TGM1: variants seen among roughly 807,000 people sequenced by gnomAD.
The protein encoded by TGM1 is transglutaminase 1.
In TGM1, 63 loss-of-function variants were observed where a neutral mutation model predicts 88.7. The ratio of observed to expected loss-of-function variants is 0.71; its 90% CI spans 0.58 to 0.88. The LOEUF is 0.88. TGM1 is among the 40% of genes least tolerant of loss of function. The pLI is 0.00. For missense variants in TGM1, 996 were observed against 1,118.0 expected (o/e 0.89, Z 1.56); for synonymous variants, 415 against 431.1 (o/e 0.96, Z 0.46).
At chr14:24,258,485 A>C (rs567321196) in intron 8 of TGM1, 50 bp downstream of exon 8, 1 of 1,612,548 alleles carries the variant, frequency 6.2e-7, no homozygotes, top group African/African-American at 1.3e-5. Context: ...CCACCTCCAA[A>C]GCTCAGGTCA....
chr14:24,259,387 G>A lies in TGM1; in HGVS notation c.985-138C>T. 1.2e-6 allele frequency: 1 copy of A among 867,854 alleles called. No homozygotes were observed. The highest frequency in any genetic ancestry group is 1.9e-6 in the Non-Finnish European group (1 of 538,556). 53.8% of individuals were successfully genotyped at this position (867,854 alleles called of 1,614,324 possible). ...TGCCTCAGGATCCAGACACCAGCCT[G>A]AGCTCCACCCAGCCCTTCCCTCAGC... On this transcript the variant is annotated intron_variant, in intron 6 of 14. Coordinates refer to ENST00000206765, the MANE Select transcript of TGM1 (RefSeq NM_000359.3). This position sits in a 1 kb window ranked among gnomAD's most constrained non-coding sequence, Gnocchi z 5.7.
rs1245797682 is a variant in TGM1, at chr14:24,262,282, G to A, written c.71C>T (p.Ser24Phe). 1.5e-5 allele frequency: 25 copies of A among 1,613,562 alleles called. No individual in the cohort carries two copies. Among genetic ancestry groups the A allele is most frequent in the Non-Finnish European group, 2.1e-5 (25 of 1,180,014 alleles). ...GTCTGGCTCTGGCTCTGGCTCTGGA[G>A]ATGGCGTGGTAGGGGGCTGCAAGGG... is the stretch of plus-strand genomic sequence containing the variant. ...GNPLQPPTTP[S>F]PEPEPEPDGR... Residue 24 changes from serine to phenylalanine, a missense_variant, in exon 2 of 15, where the codon TCT becomes TTT. Coordinates refer to ENST00000206765, the MANE Select transcript of TGM1 (RefSeq NM_000359.3).
chr14:24,259,687 G>A lies in TGM1; in HGVS notation c.984+17C>T, dbSNP rs1343507401. ...AGGCACACACACAGTAGGACTCAGA[G>A]ATGTGAGGGTGCTCACCATGGCAGA... On this transcript the variant is annotated intron_variant, in intron 6 of 14. Transcript: ENST00000206765. The surrounding 1 kb of genome is among the most constrained non-coding windows in gnomAD (Gnocchi z 5.7). 1 of 1,596,752 alleles carries A rather than the reference G, an allele frequency of 6.3e-7. No individual in the cohort carries two copies. Among genetic ancestry groups the A allele is most frequent in the Non-Finnish European group, 8.6e-7 (1 of 1,168,470 alleles).
Position 24,255,332 on chromosome 14 carries a change from G to C in TGM1, c.1645+32C>G. On this transcript the variant is annotated intron_variant, in intron 11 of 14. Transcript: ENST00000206765. This position sits in a 1 kb window ranked among gnomAD's most constrained non-coding sequence, Gnocchi z 4.0. ...ACTTGGCAGGAACACTTGTTGTGGG[G>C]CCCAGAGCTGGCTGGGTTGGGGGAA... is the stretch of plus-strand genomic sequence containing the variant. The C allele has an allele frequency of 6.2e-7, 1 of 1,614,216 alleles. No individual in the cohort carries two copies. The highest frequency in any genetic ancestry group is 1.3e-5 in the African/African-American group (1 of 75,060).
intron 3 of TGM1, among the ~76,000 whole-genome samples, chr14:24,260,916 A>G (rs895856563): frequency 4.6e-5 from 7 of 152,202 alleles, no homozygotes; most frequent in Admixed American, 2.0e-4. Context: ...CAACATCCCA[A>G]ACCTGTTCCC....
chr14:24,262,468 C>A lies in TGM1; in HGVS notation c.-2-114G>T. 4 of 1,162,366 alleles carry A rather than the reference C, an allele frequency of 3.4e-6. No individual in the cohort carries two copies. In the South Asian group the frequency reaches 5.3e-5, roughly 15 times the overall value. The allele number at this position is 1,162,366 out of a possible 1,614,324, so 72.0% of individuals were successfully genotyped here. On this transcript the variant is annotated intron_variant, in intron 1 of 14. Coordinates refer to ENST00000206765, the MANE Select transcript of TGM1 (RefSeq NM_000359.3). Reference sequence around the variant, plus strand: ...CCACCCGATGACCGAAACAATCCCACCTTGGCCCAGAGATTCTCCAGACAC... The same window carrying A: ...CCACCCGATGACCGAAACAATCCCAACTTGGCCCAGAGATTCTCCAGACAC...
intron 12 of TGM1, 28 bp downstream of exon 12, chr14:24,254,944 G>T (rs1283045465): frequency 6.2e-7 from 1 of 1,613,280 alleles, no homozygotes; most frequent in African/African-American, 1.3e-5. Flanking sequence ...AGCCATCCAG[G>T]GGGCAGGGCT....
chr14:24,254,222 C>T lies in TGM1; in HGVS notation c.2155G>A (p.Val719Ile), dbSNP rs373148041. Residue 719 changes from valine to isoleucine, a missense_variant, in exon 14 of 15, where the codon GTC becomes ATC. Val to Ile is a conservative substitution (Grantham distance 29, BLOSUM62 3). Coordinates refer to ENST00000206765, the MANE Select transcript of TGM1 (RefSeq NM_000359.3). ...VQIVFKNPLP[V>I]TLTNVVFRLE... ...CGGAAGACGACATTGGTGAGGGTGACGGGAAGGGGGTTCTTGAAGACAATC... is the reference window on the plus strand; with the variant it reads ...CGGAAGACGACATTGGTGAGGGTGATGGGAAGGGGGTTCTTGAAGACAATC... 77 of 1,613,928 alleles carry T rather than the reference C, an allele frequency of 4.8e-5. 1 individual carries two copies. In the South Asian group the frequency reaches 7.1e-4, roughly 15 times the overall value.
intron 14 of TGM1, among the ~76,000 whole-genome samples, chr14:24,250,214 C>T (rs916249745): frequency 6.6e-6 from 1 of 150,778 alleles, no homozygotes; most frequent in East Asian, 2.0e-4. Context: ...CAAACACACA[C>T]ACACACACAC....
chr14:24,251,046 T>G (rs1263599111), intron 14 of TGM1, among the ~76,000 whole-genome samples: 1 of 152,212 alleles, frequency 6.6e-6, no homozygotes, highest in African/African-American at 2.4e-5. Flanking sequence ...TACCACTTGT[T>G]AGCTGTGAGG....
At chr14:24,256,836 A>C (rs1443670623) in intron 9 of TGM1, among the ~76,000 whole-genome samples, 1 of 152,206 alleles carries the variant, frequency 6.6e-6, no homozygotes, top group Non-Finnish European at 1.5e-5. Flanking sequence ...GGAGAATGAA[A>C]GGAGCTCAGA....
In TGM1 at chr14:24,258,222, A is replaced by G. The variant is rs2040773013; in HGVS notation, c.1402+63T>C. On this transcript the variant is annotated intron_variant, in intron 9 of 14. Coordinates refer to ENST00000206765, the MANE Select transcript of TGM1 (RefSeq NM_000359.3). ...GCCCGGCCCAGCACTGACACTCTGG[A>G]CTGTGTTAATCAGGTGGGGGAGATA... 1.2e-4 allele frequency: 164 copies of G among 1,404,732 alleles called. 4 individuals carry two copies. The South Asian group carries it at 1.9e-3, about 16-fold the overall frequency. 87.0% of individuals were successfully genotyped at this position (1,404,732 alleles called of 1,614,324 possible).
Position 24,259,846 on chromosome 14 carries a change from T to C in TGM1, c.877-35A>G. 6.2e-7 allele frequency: 1 copy of C among 1,610,772 alleles called. No individual in the cohort carries two copies. Among genetic ancestry groups the C allele is most frequent in the Non-Finnish European group, 8.5e-7 (1 of 1,178,010 alleles). On this transcript the variant is annotated intron_variant, in intron 5 of 14. Coordinates refer to ENST00000206765, the MANE Select transcript of TGM1 (RefSeq NM_000359.3). This position sits in a 1 kb window ranked among gnomAD's most constrained non-coding sequence, Gnocchi z 5.7. ...GGGATGGAGGGCAGAGGTGACAGCC[T>C]GAACCCTAGGCCAGCACCCTGCTCC...
At chr14:24,261,483 A>G (rs2040808098) in intron 3 of TGM1, among the ~76,000 whole-genome samples, 1 of 152,128 alleles carries the variant, frequency 6.6e-6, no homozygotes, top group Non-Finnish European at 1.5e-5. Flanking sequence ...ATGCCCCAGG[A>G]GGCTTGAGGA....
Position 24,261,695 on chromosome 14 carries a change from C to T in TGM1, c.508G>A (p.Gly170Arg), listed in dbSNP as rs1298543276. 12 of 1,613,950 alleles carry T rather than the reference C, an allele frequency of 7.4e-6. No homozygotes were observed. Among genetic ancestry groups the T allele is most frequent in the African/African-American group, 1.3e-5 (1 of 74,894 alleles). Residue 170 changes from glycine to arginine, a missense_variant and splice_region_variant, in exon 3 of 15, where the codon GGA becomes AGA. Physicochemically the swap from Gly to Arg is moderately radical, Grantham distance 125 (BLOSUM62 -2). Coordinates refer to ENST00000206765, the MANE Select transcript of TGM1 (RefSeq NM_000359.3). Reference sequence around the variant, plus strand: ...CCGTCCCAATCCAAGCCCCACTGACCGATGAGTAACTCAAGGGTGATGCGA... The same window carrying T: ...CCGTCCCAATCCAAGCCCCACTGACTGATGAGTAACTCAAGGGTGATGCGA... ...SDRITLELLI[G>R]NNPEVGKGTH...
chr14:24,251,624 C>T lies in TGM1; in HGVS notation c.2226-2083G>A, dbSNP rs113205049. Among the ~76,000 whole-genome samples the T allele has an allele frequency of 3.0e-3, 452 of 152,266 alleles. 2 individuals are homozygous for T. Among genetic ancestry groups the T allele is most frequent in the African/African-American group, 8.6e-3 (357 of 41,560 alleles). ...GGACACCAGAACTTAGACGTCGAAA[C>T]GAGCATTGTCCAATTGTGTACTTGT... is the stretch of plus-strand genomic sequence containing the variant. On this transcript the variant is annotated intron_variant, in intron 14 of 14. Coordinates refer to ENST00000206765, the MANE Select transcript of TGM1 (RefSeq NM_000359.3).
chr14:24,260,110 C>T (rs753343908), intron 4 of TGM1, 52 bp from the exon 5 acceptor site: 1 of 1,510,890 alleles, frequency 6.6e-7, no homozygotes, highest in Non-Finnish European at 9.2e-7. Flanking sequence ...CTCCCTGGGC[C>T]TCACCTACTT....
Position 24,258,597 on chromosome 14 carries a change from G to A in TGM1, c.1236C>T (p.Thr412=). Residue 412 remains threonine, a synonymous_variant, in exon 8 of 15, where the codon ACC becomes ACT. Transcript: ENST00000206765. ...TGTTCTCGTCGAAGTAGATGTCCAT[G>A]GTAAGGGATGTGTCTGTGTCGTGGG... ...NSAHDTDTSL[T]MDIYFDENMK... 3 of 1,614,226 alleles carry A rather than the reference G, an allele frequency of 1.9e-6. No individual in the cohort carries two copies. The highest frequency in any genetic ancestry group is 2.5e-6 in the Non-Finnish European group (3 of 1,180,038).
intron 2 of TGM1, 59 bp downstream of exon 2, chr14:24,261,973 TGA>T: frequency 6.2e-7 from 1 of 1,610,228 alleles, no homozygotes; most frequent in Non-Finnish European, 8.5e-7. Flanking sequence ...AATGCCAGGC[TGA>T]GTCTCTGGTC....
Sources: allele counts gnomAD v4.1 joint callset (sites outside exome capture counted in the v4.1 genomes callset), GRCh38; gene constraint gnomAD v4.1.1; non-coding constraint Gnocchi (gnomAD v3.1); transcripts MANE v1.5; gene names NCBI Gene and HGNC (gene_info 2026-07-23, HGNC 2026-07-21).